Variants in DPP6 observed in about 807,000 individuals in gnomAD.
The protein encoded by DPP6 is dipeptidyl peptidase like 6.
Under a neutral mutation model 122.6 loss-of-function variants are expected in DPP6, and 69 were observed. That is an observed-to-expected ratio of 0.56 (90% confidence interval 0.46 to 0.69). The LOEUF (loss-of-function observed/expected upper bound fraction) is 0.69, where lower values mean the gene tolerates loss of function less well. DPP6 is among the 30% of genes least tolerant of loss of function. The pLI is 0.00. For missense variants in DPP6, 928 were observed against 1,116.9 expected, an observed-to-expected ratio of 0.83 and a Z score of 2.41; for synonymous variants, 418 against 433.1, an observed-to-expected ratio of 0.97 and a Z score of 0.43.
chr7:154,326,979 C>T (rs76707972), intron 1 of DPP6, among the ~76,000 whole-genome samples: 2,777 of 152,172 alleles, frequency 0.018, 87 homozygotes, highest in African/African-American at 0.064. Context: ...CGCAAAAAGG[C>T]GTGTGTCAGA....
intron 1 of DPP6, among the ~76,000 whole-genome samples, chr7:153,922,454 G>A (rs1344436985): frequency 2.0e-5 from 3 of 152,176 alleles, no homozygotes; most frequent in Non-Finnish European, 4.4e-5. Context: ...AGCCGTGGTA[G>A]CACCACTGTA....
At chr7:153,944,686 T>TTTTTG (rs869291554) in intron 1 of DPP6, among the ~76,000 whole-genome samples, 2 of 146,784 alleles carry the variant, frequency 1.4e-5, no homozygotes, top group Admixed American at 6.8e-5. Context: ...TTTTTTTTTT[T>TTTTTG]GAGACAGAAT....
At chr7:154,659,865 A>G (rs1046582451) in intron 6 of DPP6, among the ~76,000 whole-genome samples, 1 of 152,246 alleles carries the variant, frequency 6.6e-6, no homozygotes, top group Admixed American at 6.5e-5. Flanking sequence ...TCTTTGGACT[A>G]TGGTAGAGTT....
At chr7:154,832,885 G>A (rs956700588) in intron 16 of DPP6, among the ~76,000 whole-genome samples, 8 of 152,190 alleles carry the variant, frequency 5.3e-5, no homozygotes, top group African/African-American at 7.2e-5. Context: ...ACACCACATC[G>A]CCACTGCCAC....
intron 1 of DPP6, among the ~76,000 whole-genome samples, chr7:154,434,696 G>A (rs920061593): frequency 1.3e-5 from 2 of 152,094 alleles, no homozygotes; most frequent in African/African-American, 4.8e-5. Flanking sequence ...AGAAATGACT[G>A]AATTAATGAC....
chr7:154,039,300 T>A (rs1799654059), intron 1 of DPP6, among the ~76,000 whole-genome samples: 1 of 148,252 alleles, frequency 6.7e-6, no homozygotes, highest in South Asian at 2.1e-4. Context: ...TTTTTGAAAC[T>A]GATTGAAAAC....
intron 2 of DPP6, among the ~76,000 whole-genome samples, chr7:154,467,382 AT>A (rs1379624693): frequency 6.6e-6 from 1 of 152,106 alleles, no homozygotes; most frequent in East Asian, 1.9e-4. Flanking sequence ...CTGGTTTCTA[AT>A]GGTTCAGCAC....
In DPP6 at chr7:154,062,300, G is replaced by T. The variant is rs1399325758; in HGVS notation, c.243+9237G>T. Among the ~76,000 whole-genome samples, 2 of 30,924 alleles carry T rather than the reference G, an allele frequency of 6.5e-5. 1 individual carries two copies. Among genetic ancestry groups the T allele is most frequent in the African/African-American group, 3.6e-4 (2 of 5,584 alleles). 20.3% of individuals were successfully genotyped at this position (30,924 alleles called of 152,430 possible). Reference sequence around the variant, plus strand: ...TGAGAGCCAGTCCCTCTTCCCCCCCGGCTCTGAGGACCCCCATCGCAGGAG... The same window carrying T: ...TGAGAGCCAGTCCCTCTTCCCCCCCTGCTCTGAGGACCCCCATCGCAGGAG... On this transcript the variant is annotated intron_variant, in intron 1 of 25. Coordinates refer to ENST00000377770, the MANE Select transcript of DPP6 (RefSeq NM_130797.4).
At chr7:154,347,527 G>A (rs1198817908) in intron 1 of DPP6, among the ~76,000 whole-genome samples, 1 of 152,168 alleles carries the variant, frequency 6.6e-6, no homozygotes, top group South Asian at 2.1e-4. Context: ...CTAATTACCT[G>A]GAAGTCTGAT....
At chr7:154,362,419 GTT>G (rs917332887) in intron 1 of DPP6, among the ~76,000 whole-genome samples, 4 of 151,984 alleles carry the variant, frequency 2.6e-5, no homozygotes, top group Admixed American at 6.6e-5. Context: ...TTTTTTGTTT[GTT>G]TTTTGCTTTT....
intron 1 of DPP6, among the ~76,000 whole-genome samples, chr7:153,945,193 C>G (rs1018039841): frequency 1.9e-4 from 29 of 152,148 alleles, no homozygotes; most frequent in African/African-American, 6.0e-4. Flanking sequence ...TGCTGCCTGG[C>G]TTGGAATGAT....
At chr7:154,883,754 TACAC>T (rs1194546711) in intron 21 of DPP6, 1 of 132,020 alleles carries the variant, frequency 7.6e-6, no homozygotes, top group Non-Finnish European at 1.6e-5. Flanking sequence ...CACGACTACA[TACAC>T]CTACTCACAC....
At chr7:154,475,100 G>A (rs1438442697) in intron 3 of DPP6, 63 bp downstream of exon 3, 2 of 1,280,046 alleles carry the variant, frequency 1.6e-6, no homozygotes, top group African/African-American at 1.5e-5. Context: ...ACTTTCAATA[G>A]GTTGGGTCTA....
intron 1 of DPP6, among the ~76,000 whole-genome samples, chr7:154,034,044 C>T (rs769774747): frequency 7.9e-5 from 12 of 152,180 alleles, no homozygotes; most frequent in Non-Finnish European, 1.5e-4. Flanking sequence ...CTGTGAACGA[C>T]GTGAATGCCA....
intron 16 of DPP6, among the ~76,000 whole-genome samples, chr7:154,837,794 C>G (rs1801204383): frequency 6.6e-6 from 1 of 152,172 alleles, no homozygotes. Flanking sequence ...CACGTTTACT[C>G]TATTAGTATG....
intron 13 of DPP6, among the ~76,000 whole-genome samples, chr7:154,801,964 G>T (rs1366110569): frequency 1.3e-5 from 2 of 152,034 alleles, no homozygotes; most frequent in African/African-American, 4.8e-5. Flanking sequence ...AGTTCGGAAT[G>T]GAGCATCCCT....
the DPP6 span, among the ~76,000 whole-genome samples, chr7:153,798,085 G>A: frequency 6.6e-5 from 10 of 151,864 alleles, no homozygotes; most frequent in African/African-American, 1.7e-4. Flanking sequence ...CTCCTGATCC[G>A]CCCGCCTCGG....
At chr7:153,864,672 TACACACACACACACACACACACACAC>T in the DPP6 span, among the ~76,000 whole-genome samples, 80 of 135,270 alleles carry the variant, frequency 5.9e-4, no homozygotes, top group South Asian at 2.9e-3. Flanking sequence ...ATAATAATAA[TACACACACACACACACACACACACAC>T]ACACACACAC....
intron 1 of DPP6, among the ~76,000 whole-genome samples, chr7:153,948,619 A>T (rs3060875): frequency 4.3e-4 from 18 of 41,648 alleles, no homozygotes; most frequent in Admixed American, 1.2e-3. Context: ...CTGTTTTTTT[A>T]TTTTTATTTT....
Sources: gnomAD v4.1 joint callset for allele counts (sites outside exome capture counted in the v4.1 genomes callset) on GRCh38, gnomAD v4.1.1 for gene constraint, MANE v1.5 for transcripts, NCBI Gene and HGNC (gene_info 2026-07-23, HGNC 2026-07-21) for gene names.